COP1: variants seen among roughly 807,000 people sequenced by gnomAD.
COP1 encodes E3 ubiquitin-protein ligase COP1.
A neutral mutation model predicts 101.3 loss-of-function variants in COP1; 24 were observed. That is an observed-to-expected ratio of 0.24 (90% CI 0.17 to 0.33). COP1 has a LOEUF of 0.33. COP1 is among the 10% of genes least tolerant of loss of function. The pLI, the probability that COP1 is intolerant of heterozygous loss-of-function variation, is 1.00. For missense variants in COP1, 663 were observed against 906.2 expected (o/e 0.73, Z 3.45); for synonymous variants, 347 against 341.9 (o/e 1.01, Z -0.17).
chr1:176,134,417 C>A (rs1280698716), intron 8 of COP1, among the ~76,000 whole-genome samples: 1 of 152,014 alleles, frequency 6.6e-6, no homozygotes, highest in Non-Finnish European at 1.5e-5. Flanking sequence ...ATTCACCATG[C>A]TTTACAAATA....
chr1:175,993,078 C>T (rs923551133), intron 15 of COP1, among the ~76,000 whole-genome samples: 3 of 152,096 alleles, frequency 2.0e-5, no homozygotes, highest in Admixed American at 1.3e-4. Context: ...ACAGGACTTG[C>T]GGTTCACGAA....
chr1:176,027,919 T>G (rs1334754990), intron 14 of COP1, among the ~76,000 whole-genome samples: 10 of 149,948 alleles, frequency 6.7e-5, no homozygotes, highest in Admixed American at 1.3e-4. Flanking sequence ...AAAAAGAGGT[T>G]TAATTGACTC....
intron 18 of COP1, among the ~76,000 whole-genome samples, chr1:175,976,965 C>A (rs1016995856): frequency 6.6e-6 from 1 of 152,112 alleles, no homozygotes; most frequent in African/African-American, 2.4e-5. Context: ...AAATAAAAAA[C>A]ACTTAAAGCA....
chr1:175,960,502 A>T (rs904023771), intron 18 of COP1, among the ~76,000 whole-genome samples: 1 of 152,230 alleles, frequency 6.6e-6, no homozygotes, highest in African/African-American at 2.4e-5. Context: ...GCCCAAAATG[A>T]ACAAAGGGGC....
intron 9 of COP1, among the ~76,000 whole-genome samples, chr1:176,112,910 G>A (rs1489163627): frequency 6.6e-6 from 1 of 152,028 alleles, no homozygotes; most frequent in Non-Finnish European, 1.5e-5. Flanking sequence ...CTTTTTTACG[G>A]CTGAATAATA....
chr1:176,002,069 G>C (rs1454130129), intron 15 of COP1, among the ~76,000 whole-genome samples: 1 of 151,932 alleles, frequency 6.6e-6, no homozygotes, highest in Non-Finnish European at 1.5e-5. Flanking sequence ...ATGAGTTTAG[G>C]TGTACATCTT....
intron 15 of COP1, among the ~76,000 whole-genome samples, chr1:175,995,603 A>G (rs1262833902): frequency 6.6e-6 from 1 of 152,272 alleles, no homozygotes; most frequent in Non-Finnish European, 1.5e-5. Flanking sequence ...CTACCATCAG[A>G]GAATACTACA....
chr1:176,150,729 T>C (rs903226891), intron 5 of COP1, among the ~76,000 whole-genome samples: 1 of 152,222 alleles, frequency 6.6e-6, no homozygotes, highest in African/African-American at 2.4e-5. Flanking sequence ...TTCATTTCAA[T>C]CTATTAACTA....
intron 9 of COP1, among the ~76,000 whole-genome samples, chr1:176,110,133 T>C (rs189363447): frequency 6.6e-6 from 1 of 152,320 alleles, no homozygotes; most frequent in East Asian, 1.9e-4. Context: ...ATGCAGACGA[T>C]ACTATTTATC....
chr1:176,161,095 A>G (rs548303022), intron 5 of COP1, among the ~76,000 whole-genome samples: 2 of 152,134 alleles, frequency 1.3e-5, no homozygotes, highest in Non-Finnish European at 2.9e-5. Context: ...CTTTCTCCCT[A>G]TTGCTGGTGT....
chr1:175,965,736 G>A (rs1406847339), intron 18 of COP1, among the ~76,000 whole-genome samples: 4 of 151,938 alleles, frequency 2.6e-5, no homozygotes, highest in Non-Finnish European at 5.9e-5. Flanking sequence ...TTACATGTGC[G>A]TGCCACCAAA....
intron 11 of COP1, among the ~76,000 whole-genome samples, chr1:176,070,491 G>A (rs867371893): frequency 9.2e-5 from 14 of 151,682 alleles, no homozygotes; most frequent in African/African-American, 2.7e-4. Flanking sequence ...GCGAAACCCC[G>A]TCTCTACTAA....
At chr1:176,165,360 T>TTGTGTGTG (rs1558240408) in intron 3 of COP1, among the ~76,000 whole-genome samples, 1 of 104,304 alleles carries the variant, frequency 9.6e-6, no homozygotes, top group African/African-American at 3.4e-5. Flanking sequence ...GAGATGTGTG[T>TTGTGTGTG]CGTGTGTGTG....
intron 3 of COP1, chr1:176,168,832 G>T (rs7553673): frequency 0.066 from 12,328 of 186,778 alleles, 532 homozygotes; most frequent in Middle Eastern, 0.12. Flanking sequence ...GGGAAGTCAG[G>T]AGGAAGAGGG....
At chr1:176,191,869 T>A (rs1207168569) in intron 1 of COP1, among the ~76,000 whole-genome samples, 2 of 152,264 alleles carry the variant, frequency 1.3e-5, no homozygotes, top group East Asian at 3.9e-4. Context: ...ACAGGCTCTA[T>A]GAATAAGGAG....
chr1:176,070,495 C>T (rs1187145251), intron 11 of COP1, among the ~76,000 whole-genome samples: 2 of 152,064 alleles, frequency 1.3e-5, no homozygotes, highest in Non-Finnish European at 2.9e-5. Context: ...AACCCCGTCT[C>T]TACTAAAAAT....
intron 5 of COP1, among the ~76,000 whole-genome samples, 155 bp downstream of exon 5, chr1:176,162,714 G>A (rs141617800): frequency 1.3e-5 from 2 of 152,256 alleles, no homozygotes; most frequent in East Asian, 3.9e-4. Context: ...ACAAAAAGGG[G>A]GAATCTAGCA....
chr1:175,992,267 G>C (rs925672642), intron 15 of COP1, among the ~76,000 whole-genome samples: 8 of 151,968 alleles, frequency 5.3e-5, no homozygotes, highest in African/African-American at 9.7e-5. Flanking sequence ...GGAGGTGGAG[G>C]CAAGATGGCC....
intron 2 of COP1, among the ~76,000 whole-genome samples, chr1:176,177,450 A>T (rs535991093): frequency 1.3e-5 from 2 of 152,214 alleles, no homozygotes; most frequent in African/African-American, 4.8e-5. Context: ...CACTTCTCTT[A>T]AAAAATCATA....
Sources: gnomAD v4.1 joint callset for allele counts (sites outside exome capture counted in the v4.1 genomes callset) on GRCh38, gnomAD v4.1.1 for gene constraint, MANE v1.5 for transcripts, NCBI Gene and HGNC (gene_info 2026-07-23, HGNC 2026-07-21) for gene names.